The following ADCY9 variants were observed in gnomAD, a reference collection of about 807,000 sequenced individuals.
ADCY9 encodes the protein adenylate cyclase type 9.
A neutral mutation model predicts 101.5 loss-of-function variants in ADCY9; 50 were observed. That is an observed-to-expected ratio of 0.49 (90% CI 0.39 to 0.62). ADCY9 has a LOEUF of 0.62. Ranked by LOEUF, ADCY9 falls within the 20% of genes least tolerant of loss-of-function variation. ADCY9 has a pLI of 0.00. For synonymous variants in ADCY9, 905 were observed against 769.3 expected (o/e 1.18, Z -2.92); for missense variants, 1,662 against 1,800.4 (o/e 0.92, Z 1.39).
chr16:4,012,631 G>C (rs867535074), intron 2 of ADCY9, among the ~76,000 whole-genome samples: 113 of 152,190 alleles, frequency 7.4e-4, no homozygotes, highest in African/African-American at 2.7e-3. Context: ...GCTACAGAGA[G>C]GGGTGGGCAT....
intron 2 of ADCY9, among the ~76,000 whole-genome samples, chr16:4,029,655 A>G (rs1408374505): frequency 6.6e-6 from 1 of 152,110 alleles, no homozygotes; most frequent in African/African-American, 2.4e-5. Context: ...ACTGAGGCAA[A>G]AGAATGTTGA....
chr16:4,073,010 A>AC (rs2056844579), intron 2 of ADCY9, among the ~76,000 whole-genome samples: 1 of 142,334 alleles, frequency 7.0e-6, no homozygotes, highest in African/African-American at 2.5e-5. Flanking sequence ...AAAAAAAAAA[A>AC]GAAACAAACA....
intron 6 of ADCY9, among the ~76,000 whole-genome samples, chr16:3,985,432 G>T (rs1027985521): frequency 6.6e-6 from 1 of 152,110 alleles, no homozygotes; most frequent in Non-Finnish European, 1.5e-5. Flanking sequence ...CACTGTACCC[G>T]GCCAGGTGTA....
At chr16:4,085,351 G>C (rs1289809763) in intron 2 of ADCY9, among the ~76,000 whole-genome samples, 7 of 152,122 alleles carry the variant, frequency 4.6e-5, no homozygotes, top group Non-Finnish European at 8.8e-5. Flanking sequence ...GACAGAGCAA[G>C]ACTCTGCCTC....
chr16:4,024,322 A>AT (rs2056499047), intron 2 of ADCY9, among the ~76,000 whole-genome samples: 1 of 152,062 alleles, frequency 6.6e-6, no homozygotes, highest in African/African-American at 2.4e-5. Flanking sequence ...CACCCATCCA[A>AT]TTTTTTAAAA....
intron 2 of ADCY9, among the ~76,000 whole-genome samples, chr16:4,016,432 G>A (rs1385208922): frequency 6.6e-6 from 1 of 152,108 alleles, no homozygotes; most frequent in Non-Finnish European, 1.5e-5. Context: ...CGGGAGGGAG[G>A]GGGATAGGTC....
At chr16:4,027,429 A>ACT (rs1244693356) in intron 2 of ADCY9, among the ~76,000 whole-genome samples, 3 of 152,296 alleles carry the variant, frequency 2.0e-5, no homozygotes, top group Admixed American at 6.5e-5. Flanking sequence ...ATTATCCGAG[A>ACT]CTGGGTAATT....
At chr16:4,021,039 A>G (rs2056473008) in intron 2 of ADCY9, among the ~76,000 whole-genome samples, 1 of 152,164 alleles carries the variant, frequency 6.6e-6, no homozygotes, top group Non-Finnish European at 1.5e-5. Flanking sequence ...TTTCTAAAAA[A>G]TGTTTTAAAT....
chr16:3,971,740 G>C (rs1183765083), intron 10 of ADCY9, among the ~76,000 whole-genome samples: 1 of 152,100 alleles, frequency 6.6e-6, no homozygotes, highest in Non-Finnish European at 1.5e-5. Flanking sequence ...ACCAAGAACA[G>C]TCCCCTTTAG....
At chr16:3,984,556 C>G (rs1193551864) in intron 6 of ADCY9, among the ~76,000 whole-genome samples, 6 of 152,122 alleles carry the variant, frequency 3.9e-5, no homozygotes, top group Non-Finnish European at 8.8e-5. Flanking sequence ...ATTGGGAGGC[C>G]AAGGCCAGGG....
At chr16:3,960,678 C>T (rs540655963), downstream of ADCY9, among the ~76,000 whole-genome samples, 60 of 152,262 alleles carry the variant, frequency 3.9e-4, no homozygotes, top group Middle Eastern at 3.4e-3. Context: ...GAAGAATCCC[C>T]GCTGTTGACT....
intron 2 of ADCY9, among the ~76,000 whole-genome samples, chr16:4,103,000 G>A (rs867114159): frequency 6.6e-6 from 1 of 152,234 alleles, no homozygotes; most frequent in Non-Finnish European, 1.5e-5. Flanking sequence ...GGTATTACAG[G>A]CACGAGCCAT....
At chr16:3,994,647 G>A (rs923095412) in intron 3 of ADCY9, among the ~76,000 whole-genome samples, 1 of 150,560 alleles carries the variant, frequency 6.6e-6, no homozygotes, top group African/African-American at 2.4e-5. Flanking sequence ...TAGTAGAAAC[G>A]GGGTTTCGCC....
chr16:4,019,901 A>C (rs1248806622), intron 2 of ADCY9, among the ~76,000 whole-genome samples: 3 of 152,152 alleles, frequency 2.0e-5, no homozygotes. Context: ...AACATGGTGA[A>C]ACCCTGTCTC....
At chr16:3,960,509 C>A (rs950702968), downstream of ADCY9, among the ~76,000 whole-genome samples, 1 of 152,056 alleles carries the variant, frequency 6.6e-6, no homozygotes, top group Non-Finnish European at 1.5e-5. Flanking sequence ...GCGAGAGAGC[C>A]AGACTCTGTC....
intron 2 of ADCY9, among the ~76,000 whole-genome samples, chr16:4,095,583 T>C (rs935152107): frequency 2.6e-5 from 4 of 152,190 alleles, no homozygotes; most frequent in African/African-American, 9.7e-5. Flanking sequence ...TCTAAAATAA[T>C]GTTCACATGG....
At chr16:4,083,908 G>A (rs889899373) in intron 2 of ADCY9, among the ~76,000 whole-genome samples, 6 of 152,118 alleles carry the variant, frequency 3.9e-5, no homozygotes, top group Admixed American at 6.5e-5. Flanking sequence ...TGAAGAAAAC[G>A]TCCCCAAATT....
intron 8 of ADCY9, among the ~76,000 whole-genome samples, chr16:3,977,998 A>G (rs2056107427): frequency 6.6e-6 from 1 of 152,198 alleles, no homozygotes; most frequent in African/African-American, 2.4e-5. Flanking sequence ...GATTACAGGT[A>G]TGAGCCACCG....
downstream of ADCY9, among the ~76,000 whole-genome samples, chr16:3,959,647 T>C (rs1392869931): frequency 6.6e-6 from 1 of 152,240 alleles, no homozygotes; most frequent in African/African-American, 2.4e-5. Context: ...AACATATTTG[T>C]GTACTGAAAC....
Sources: allele counts gnomAD v4.1 joint callset (sites outside exome capture counted in the v4.1 genomes callset), GRCh38; gene constraint gnomAD v4.1.1; transcripts MANE v1.5; gene names NCBI Gene and HGNC (gene_info 2026-07-23, HGNC 2026-07-21).